AUTS2: variants seen among roughly 807,000 people sequenced by gnomAD.
The protein encoded by AUTS2 is activator of transcription and developmental regulator AUTS2.
AUTS2 carries 17 observed loss-of-function variants against 112.4 expected under a neutral mutation model. That is an observed-to-expected ratio of 0.15 (90% CI 0.10 to 0.23). AUTS2 has a LOEUF of 0.23. Ranked by LOEUF, AUTS2 falls within the 10% of genes least tolerant of loss-of-function variation. The pLI, the probability that AUTS2 is intolerant of heterozygous loss-of-function variation, is 1.00. For synonymous variants in AUTS2, 751 were observed against 702.7 expected, an observed-to-expected ratio of 1.07 and a Z score of -1.09; for missense variants, 1,510 against 1,701.6, an observed-to-expected ratio of 0.89 and a Z score of 1.98.
chr7:70,411,244 C>T (rs1794764402), intron 4 of AUTS2, among the ~76,000 whole-genome samples: 2 of 152,114 alleles, frequency 1.3e-5, no homozygotes, highest in Non-Finnish European at 2.9e-5. Flanking sequence ...AGAAGGGAGA[C>T]GTGTACCTGT....
chr7:69,884,953 A>G (rs539385204), intron 1 of AUTS2, among the ~76,000 whole-genome samples: 148 of 152,228 alleles, frequency 9.7e-4, no homozygotes, highest in Admixed American at 2.1e-3. Context: ...AACCTGCAGG[A>G]TAGTTTGTTT....
At chr7:70,539,711 A>T (rs1443728785) in intron 5 of AUTS2, among the ~76,000 whole-genome samples, 1 of 152,168 alleles carries the variant, frequency 6.6e-6, no homozygotes, top group African/African-American at 2.4e-5. Context: ...TTACACTGCG[A>T]ATCGCGAGGC....
intron 4 of AUTS2, among the ~76,000 whole-genome samples, chr7:70,153,820 T>C (rs1161952717): frequency 1.3e-5 from 2 of 152,180 alleles, no homozygotes; most frequent in Admixed American, 6.5e-5. Flanking sequence ...GTTCAAAAAT[T>C]CATGATTGGG....
chr7:70,273,139 C>T (rs770900499), intron 4 of AUTS2, among the ~76,000 whole-genome samples: 2 of 152,138 alleles, frequency 1.3e-5, no homozygotes, highest in South Asian at 2.1e-4. Flanking sequence ...ACCTCCACCT[C>T]CTAGGCTCAA....
intron 4 of AUTS2, among the ~76,000 whole-genome samples, chr7:70,159,036 C>T (rs1022119777): frequency 3.9e-5 from 6 of 152,114 alleles, no homozygotes; most frequent in Non-Finnish European, 7.4e-5. Flanking sequence ...TATTGCCCTG[C>T]TTTCTTTTGA....
intron 1 of AUTS2, among the ~76,000 whole-genome samples, chr7:69,640,575 G>C (rs1348477820): frequency 6.6e-6 from 1 of 152,120 alleles, no homozygotes; most frequent in Non-Finnish European, 1.5e-5. Context: ...GATGCTCTGA[G>C]GCTATAGGGA....
At chr7:69,806,583 CT>C (rs1405726219) in intron 1 of AUTS2, among the ~76,000 whole-genome samples, 2 of 152,098 alleles carry the variant, frequency 1.3e-5, no homozygotes, top group African/African-American at 4.8e-5. Flanking sequence ...TTACCCACAT[CT>C]CAGCCTCCCA....
chr7:69,918,437 A>G (rs1173280922), intron 2 of AUTS2, among the ~76,000 whole-genome samples: 2 of 152,166 alleles, frequency 1.3e-5, no homozygotes, highest in African/African-American at 2.4e-5. Context: ...GAGTCTTTTC[A>G]TTGTTACGAG....
At chr7:69,756,822 C>T (rs189499828) in intron 1 of AUTS2, among the ~76,000 whole-genome samples, 41 of 152,134 alleles carry the variant, frequency 2.7e-4, no homozygotes, top group African/African-American at 8.9e-4. Flanking sequence ...CTGTTTGTAG[C>T]GTTGGTGCGT....
intron 5 of AUTS2, among the ~76,000 whole-genome samples, chr7:70,667,558 C>T (rs778513368): frequency 2.0e-5 from 3 of 152,152 alleles, no homozygotes; most frequent in Non-Finnish European, 4.4e-5. Context: ...CACACACTTG[C>T]GTTTAAAACT....
At chr7:70,263,770 C>G (rs1239225864) in intron 4 of AUTS2, among the ~76,000 whole-genome samples, 1 of 152,164 alleles carries the variant, frequency 6.6e-6, no homozygotes, top group Non-Finnish European at 1.5e-5. Flanking sequence ...ACTGTGTTAG[C>G]AGAACAATCA....
intron 1 of AUTS2, among the ~76,000 whole-genome samples, chr7:69,783,038 C>A (rs944900925): frequency 1.3e-5 from 2 of 151,608 alleles, no homozygotes; most frequent in African/African-American, 2.4e-5. Context: ...CCCAGCCTTG[C>A]CATGTGTGCA....
At chr7:69,850,307 A>G (rs906871478) in intron 1 of AUTS2, among the ~76,000 whole-genome samples, 5 of 149,396 alleles carry the variant, frequency 3.3e-5, no homozygotes, top group Non-Finnish European at 7.4e-5. Flanking sequence ...AAAAACAAAA[A>G]CAAAAACAAA....
intron 1 of AUTS2, among the ~76,000 whole-genome samples, chr7:69,856,863 C>G (rs556115095): frequency 2.4e-4 from 37 of 152,248 alleles, no homozygotes; most frequent in African/African-American, 8.9e-4. Context: ...GCTTGTTGCC[C>G]TTGACTGATG....
In AUTS2 at chr7:70,645,737, G is replaced by A. The variant is rs143523220; in HGVS notation, c.691-52832G>A. Among the ~76,000 whole-genome samples, 116 of 152,230 alleles carry A rather than the reference G, an allele frequency of 7.6e-4. 1 individual carries two copies. Among genetic ancestry groups the A allele is most frequent in the African/African-American group, 6.7e-4 (28 of 41,534 alleles). On this transcript the variant is annotated intron_variant, in intron 5 of 18. Transcript: ENST00000342771. ...TATATCATTGCTGCATTTAATTAAC[G>A]GTTATTAGTGTTAGCGTACTGTGCT... is the stretch of plus-strand genomic sequence containing the variant.
At chr7:69,765,381 G>C (rs1170641460) in intron 1 of AUTS2, among the ~76,000 whole-genome samples, 1 of 152,118 alleles carries the variant, frequency 6.6e-6, no homozygotes, top group African/African-American at 2.4e-5. Context: ...TTCTCATTCT[G>C]ACTTTTAAAG....
At chr7:69,927,207 C>T (rs1208985147) in intron 2 of AUTS2, among the ~76,000 whole-genome samples, 2 of 122,254 alleles carry the variant, frequency 1.6e-5, no homozygotes, top group South Asian at 2.7e-4. Flanking sequence ...TATATATATA[C>T]ATACTATATA....
chr7:69,659,831 C>T (rs975950102), intron 1 of AUTS2, among the ~76,000 whole-genome samples: 27 of 152,116 alleles, frequency 1.8e-4, no homozygotes, highest in African/African-American at 6.0e-4. Flanking sequence ...AAATCTCTTC[C>T]TCATTTTATG....
At chr7:70,612,495 G>A (rs548295594) in intron 5 of AUTS2, among the ~76,000 whole-genome samples, 27 of 151,896 alleles carry the variant, frequency 1.8e-4, no homozygotes, top group Admixed American at 1.5e-3. Flanking sequence ...TTTTACCACC[G>A]GATGTGAACC....
Sources: gnomAD v4.1 joint callset for allele counts (sites outside exome capture counted in the v4.1 genomes callset) on GRCh38, gnomAD v4.1.1 for gene constraint, MANE v1.5 for transcripts, NCBI Gene and HGNC (gene_info 2026-07-23, HGNC 2026-07-21) for gene names.